Variants in ZFR2 observed in about 807,000 individuals in gnomAD.
The protein encoded by ZFR2 is zinc finger RNA-binding protein 2.
ZFR2 carries 104 observed loss-of-function variants against 105.7 expected under a neutral mutation model. That is an observed-to-expected ratio of 0.98 (90% CI 0.84 to 1.16). The LOEUF (loss-of-function observed/expected upper bound fraction) is 1.16. ZFR2 is among the 50% of genes most tolerant of loss of function. ZFR2 has a pLI of 0.00. For synonymous variants in ZFR2, 634 were observed against 597.7 expected, an observed-to-expected ratio of 1.06 and a Z score of -0.89; for missense variants, 1,425 against 1,355.5, an observed-to-expected ratio of 1.05 and a Z score of -0.80.
intron 1 of ZFR2, among the ~76,000 whole-genome samples, chr19:3,841,794 G>C (rs1400443490): frequency 6.6e-6 from 1 of 151,744 alleles, no homozygotes; most frequent in Non-Finnish European, 1.5e-5. Context: ...CACAGAGCTG[G>C]ACACTGTATT....
Position 3,804,720 on chromosome 19 carries a change from T to A in ZFR2, c.*1229A>T, listed in dbSNP as rs1245396591. ...CCTGGCTGTGGAGGTGGGTGGGGGGTCTGTTTGGAGCAGGCTGGGCTGGGG... is the reference window on the plus strand; with the variant it reads ...CCTGGCTGTGGAGGTGGGTGGGGGGACTGTTTGGAGCAGGCTGGGCTGGGG... On this transcript the variant is annotated 3_prime_UTR_variant, in exon 19 of 19. Transcript: ENST00000262961. The A allele has an allele frequency of 1.5e-5, 2 of 130,076 alleles. No individual in the cohort carries two copies. The highest frequency in any genetic ancestry group is 2.9e-5 in the African/African-American group (1 of 34,936). The allele number at this position is 130,076 out of a possible 1,614,324, so 8.1% of individuals were successfully genotyped here. A position where few individuals can be genotyped will look rare whatever the true frequency, so the allele number is the denominator to read the frequency against.
chr19:3,845,539 C>G (rs1292172806), intron 1 of ZFR2, among the ~76,000 whole-genome samples: 3 of 151,564 alleles, frequency 2.0e-5, no homozygotes, highest in African/African-American at 7.3e-5. Context: ...CTTTTGTAAT[C>G]CCAGCACTTT....
In ZFR2 at chr19:3,819,019, C is replaced by A. The variant is rs765978119; in HGVS notation, c.1931+26G>T. 9 of 1,606,250 alleles carry A rather than the reference C, an allele frequency of 5.6e-6. No homozygotes were observed. In the Admixed American group the frequency reaches 1.4e-4, roughly 24 times the overall value. On this transcript the variant is annotated intron_variant, in intron 12 of 18. Coordinates refer to ENST00000262961, the MANE Select transcript of ZFR2 (RefSeq NM_015174.2). ...ACCTCTGTCCTGGCTGAGAGCCGGGCCCTGGGGAAGGGGATCTCCAATGAC... is the reference window on the plus strand; with the variant it reads ...ACCTCTGTCCTGGCTGAGAGCCGGGACCTGGGGAAGGGGATCTCCAATGAC...
At chr19:3,819,342 G>T in intron 11 of ZFR2, 107 bp from the exon 12 acceptor site, 2 of 1,221,022 alleles carry the variant, frequency 1.6e-6, no homozygotes, top group Non-Finnish European at 2.2e-6. Context: ...CAGGTTACGA[G>T]GCGGCAGCGT....
At chr19:3,821,510 G>A (rs932951477) in intron 9 of ZFR2, 31 bp from the exon 10 acceptor site, 1 of 1,546,826 alleles carries the variant, frequency 6.5e-7, no homozygotes. Context: ...TCTGAGAGTA[G>A]GGACCTTGCT....
At chr19:3,826,717 C>T (rs976494849) in intron 6 of ZFR2, among the ~76,000 whole-genome samples, 2 of 151,542 alleles carry the variant, frequency 1.3e-5, no homozygotes, top group African/African-American at 2.4e-5. Context: ...GGATTACAGG[C>T]GTGAGGCACC....
chr19:3,831,442 G>T lies in ZFR2; in HGVS notation c.713C>A (p.Ala238Glu), dbSNP rs746609007. Residue 238 changes from alanine (A) to glutamate (E), a missense_variant, in exon 5 of 19, where the codon GCG (alanine) becomes GAG (glutamate). Ala to Glu is a moderately radical substitution (Grantham distance 107). Transcript: ENST00000262961. ...GPPQQLPPPP[A>E]PAGSGSSPRA... ...GGGGCTGCTTCCTGAGCCTGCAGGC[G>T]CGGGCGGCGGGGGCAGCTGCTGCGG... 5.2e-6 allele frequency: 8 copies of T among 1,551,084 alleles called. No homozygotes were observed. Among genetic ancestry groups the T allele is most frequent in the South Asian group, 1.2e-5 (1 of 84,146 alleles).
intron 11 of ZFR2, 102 bp downstream of exon 11, chr19:3,820,080 T>G: frequency 8.8e-7 from 1 of 1,140,096 alleles, no homozygotes; most frequent in Non-Finnish European, 1.3e-6. Context: ...CCCTGAGTAC[T>G]ATGTGGGAGT....
intron 1 of ZFR2, among the ~76,000 whole-genome samples, chr19:3,867,306 G>GA (rs1056214030): frequency 6.6e-6 from 1 of 150,872 alleles, no homozygotes; most frequent in African/African-American, 2.4e-5. Flanking sequence ...TCAACTGTTG[G>GA]GGGGGGAATC....
At chr19:3,836,723 C>T (rs908009890) in intron 1 of ZFR2, among the ~76,000 whole-genome samples, 12 of 152,176 alleles carry the variant, frequency 7.9e-5, no homozygotes, top group African/African-American at 2.4e-4. Flanking sequence ...TCGCTCCCCA[C>T]GGTCTAGACG....
Position 3,813,984 on chromosome 19 carries a change from G to A in ZFR2, c.2104-26C>T, listed in dbSNP as rs908957188. The A allele has an allele frequency of 6.2e-7, 1 of 1,612,824 alleles. No individual in the cohort carries two copies. The highest frequency in any genetic ancestry group is 2.2e-5 in the East Asian group (1 of 44,838). On this transcript the variant is annotated intron_variant, in intron 13 of 18. Transcript: ENST00000262961. The surrounding 1 kb of genome is among the most constrained non-coding windows in gnomAD (Gnocchi z 4.4). ...CTGGGAGGGGTAAATACAACACAAG[G>A]CCACCTTACTGCAGCCCAGATTCAT... is the stretch of plus-strand genomic sequence containing the variant.
chr19:3,848,362 A>G (rs1395430198), intron 1 of ZFR2, among the ~76,000 whole-genome samples: 1 of 150,484 alleles, frequency 6.6e-6, no homozygotes, highest in Non-Finnish European at 1.5e-5. Flanking sequence ...CAGTGACCCA[A>G]GACTGTGCCA....
rs201610307 is a variant in ZFR2, at chr19:3,822,152, C to T, written c.1420G>A (p.Glu474Lys). ...GCGTTAAGGTCGTTGAAACTGCACTCGCACAGCTTGCAGTGGAAGCGAAGC... is the reference window on the plus strand; with the variant it reads ...GCGTTAAGGTCGTTGAAACTGCACTTGCACAGCTTGCAGTGGAAGCGAAGC... ...RVLRFHCKLC[E>K]CSFNDLNAKD... Residue 474 changes from glutamate (E) to lysine (K), a missense_variant, in exon 9 of 19, where the codon GAG (glutamate) becomes AAG (lysine). By Grantham distance (56) the Glu-to-Lys change is moderately conservative (BLOSUM62 1). Transcript: ENST00000262961. The T allele has an allele frequency of 7.4e-5, 119 of 1,609,264 alleles. No individual in the cohort carries two copies. Among genetic ancestry groups the T allele is most frequent in the Admixed American group, 2.2e-4 (13 of 59,480 alleles).
chr19:3,848,643 A>C (rs1459270996), intron 1 of ZFR2, among the ~76,000 whole-genome samples: 3 of 150,878 alleles, frequency 2.0e-5, no homozygotes, highest in Non-Finnish European at 4.4e-5. Context: ...GTAGGTTGAG[A>C]TCACACCACT....
At position 3,825,334 on chromosome 19, in the gene ZFR2, G is replaced by T. The variant is rs1290528743; in HGVS notation, c.1109C>A (p.Pro370His). 6.3e-7 allele frequency: 1 copy of T among 1,589,790 alleles called. No individual in the cohort carries two copies. Among genetic ancestry groups the T allele is most frequent in the Non-Finnish European group, 8.5e-7 (1 of 1,171,268 alleles). The change falls in exon 7 of 19, where the codon CCC becomes CAC. Residue 370 changes from proline to histidine, a missense_variant. Physicochemically the swap from Pro to His is moderately conservative, Grantham distance 77 (BLOSUM62 -2). Coordinates refer to ENST00000262961, the MANE Select transcript of ZFR2 (RefSeq NM_015174.2). ...GGACGTGGGCTTGGCCTCTGCCCCG[G>T]GGGGGCTCTCTGTGGCCAGTGCAGG... ...LEPALATESPPGAEAKPTSPT... is the reference protein window; with the variant it reads ...LEPALATESPHGAEAKPTSPT...
chr19:3,831,621 C>T (rs760888165), intron 4 of ZFR2, 39 bp downstream of exon 4: 92 of 1,519,922 alleles, frequency 6.1e-5, no homozygotes, highest in Middle Eastern at 1.7e-4. Context: ...AAGTGGGGAC[C>T]GACGGGCAGA....
intron 3 of ZFR2, among the ~76,000 whole-genome samples, chr19:3,832,368 T>C (rs1015019839): frequency 1.3e-5 from 2 of 151,558 alleles, no homozygotes; most frequent in African/African-American, 4.8e-5. Flanking sequence ...TGTCACCAGG[T>C]TGGAATGCAG....
intron 5 of ZFR2, among the ~76,000 whole-genome samples, chr19:3,830,855 C>T (rs982196858): frequency 2.0e-5 from 3 of 152,154 alleles, no homozygotes; most frequent in African/African-American, 4.8e-5. Context: ...GATTCTTTCA[C>T]GTATGTCCCA....
intron 6 of ZFR2, among the ~76,000 whole-genome samples, chr19:3,826,676 G>A (rs1168687674): frequency 2.6e-5 from 4 of 151,738 alleles, no homozygotes; most frequent in Admixed American, 6.6e-5. Flanking sequence ...AACCTCATGC[G>A]ATCCACTCGC....
Sources: gnomAD v4.1 joint callset for allele counts (sites outside exome capture counted in the v4.1 genomes callset) on GRCh38, gnomAD v4.1.1 for gene constraint, Gnocchi (gnomAD v3.1) non-coding constraint, MANE v1.5 for transcripts, NCBI Gene and HGNC (gene_info 2026-07-23, HGNC 2026-07-21) for gene names.